Variants in NEB observed in about 807,000 individuals in gnomAD.
NEB encodes nemaline myopathy type 2.
In NEB, 512 loss-of-function variants were observed where a neutral mutation model predicts 952.2. That is an observed-to-expected ratio of 0.54 (90% CI 0.50 to 0.58). The LOEUF is 0.58. Ranked by LOEUF, NEB falls within the 20% of genes least tolerant of loss-of-function variation. The probability of loss-of-function intolerance (pLI) is 0.00; values close to 1 mark genes in which losing one functional copy is unlikely to be tolerated. For synonymous variants in NEB, 2,900 were observed against 3,149.8 expected, an observed-to-expected ratio of 0.92 and a Z score of 2.66; for missense variants, 8,428 against 9,231.1, an observed-to-expected ratio of 0.91 and a Z score of 3.56.
intron 32 of NEB, 61 bp downstream of exon 32, chr2:151,679,660 G>GGGGCCC: frequency 2.9e-6 from 2 of 682,628 alleles, no homozygotes; most frequent in Non-Finnish European, 5.5e-6. Flanking sequence ...GTCATCGTCA[G>GGGGCCC]ACCCCAAGCC....
chr2:151,711,774 A>T lies in NEB; in HGVS notation c.823-1236T>A, dbSNP rs143001081. Reference sequence around the variant, plus strand: ...CTTTGTAAACCCCACAGTGCTAAGCAAATATAGGGTATAAAAATTGTAATA... The same window carrying T: ...CTTTGTAAACCCCACAGTGCTAAGCTAATATAGGGTATAAAAATTGTAATA... On this transcript the variant is annotated intron_variant, in intron 10 of 181. Transcript: ENST00000397345. 2.8e-3 allele frequency among the ~76,000 whole-genome samples: 421 copies of T among 152,344 alleles called. 2 individuals are homozygous for T. The highest frequency in any genetic ancestry group is 9.8e-3 in the African/African-American group (407 of 41,574).
chr2:151,554,160 T>C, intron 125 of NEB, 135 bp from the exon 126 acceptor site: 1 of 767,640 alleles, frequency 1.3e-6, no homozygotes, highest in South Asian at 1.8e-5. Context: ...TCTGACATTT[T>C]CTATAGATTA....
At chr2:151,565,286 C>A in intron 116 of NEB, 138 bp from the exon 117 acceptor site, 2 of 666,642 alleles carry the variant, frequency 3.0e-6, no homozygotes, top group Non-Finnish European at 5.1e-6. Context: ...TTAGCTAAAA[C>A]AATAGAATAA....
intron 46 of NEB, among the ~76,000 whole-genome samples, chr2:151,659,814 T>C (rs2099126630): frequency 6.6e-6 from 1 of 152,196 alleles, no homozygotes; most frequent in Non-Finnish European, 1.5e-5. Context: ...ATAATATAGG[T>C]TAGACATATT....
chr2:151,504,693 CTT>C (rs1246824154), intron 165 of NEB, among the ~76,000 whole-genome samples: 1 of 152,202 alleles, frequency 6.6e-6, no homozygotes, highest in African/African-American at 2.4e-5. Context: ...TTCACATAGT[CTT>C]TTGCTAGTAG....
intron 126 of NEB, 48 bp from the exon 127 acceptor site, chr2:151,553,550 T>A: frequency 7.7e-7 from 1 of 1,295,616 alleles, no homozygotes; most frequent in Non-Finnish European, 1.1e-6. Flanking sequence ...TTGACCATAA[T>A]AACTTTAACA....
At chr2:151,616,633 G>T (rs1018312618) in intron 75 of NEB, among the ~76,000 whole-genome samples, 1 of 152,204 alleles carries the variant, frequency 6.6e-6, no homozygotes, top group Non-Finnish European at 1.5e-5. Flanking sequence ...GGCGGAGGTT[G>T]CAGTGAACCA....
chr2:151,641,051 A>G (rs1296123788), intron 60 of NEB, among the ~76,000 whole-genome samples: 2 of 152,200 alleles, frequency 1.3e-5, no homozygotes, highest in Admixed American at 6.5e-5. Flanking sequence ...CCAAAATTTC[A>G]TTGAGTATCT....
At chr2:151,667,267 T>G (rs991438433) in intron 40 of NEB, among the ~76,000 whole-genome samples, 1 of 152,036 alleles carries the variant, frequency 6.6e-6, no homozygotes, top group Non-Finnish European at 1.5e-5. Flanking sequence ...TTTTAGTATA[T>G]CATGACTTTT....
At chr2:151,688,121 C>G (rs1226032643) in intron 25 of NEB, among the ~76,000 whole-genome samples, 171 bp downstream of exon 25, 1 of 152,194 alleles carries the variant, frequency 6.6e-6, no homozygotes, top group Non-Finnish European at 1.5e-5. Context: ...AAAATGAAAT[C>G]TGATAGATAA....
chr2:151,537,094 T>C, intron 141 of NEB, 38 bp downstream of exon 141: 2 of 1,307,032 alleles, frequency 1.5e-6, no homozygotes, highest in Non-Finnish European at 2.2e-6. Flanking sequence ...CAGGTATATG[T>C]CGAATGGATG....
At chr2:151,615,686 C>A (rs1016992947) in intron 76 of NEB, among the ~76,000 whole-genome samples, 1 of 152,112 alleles carries the variant, frequency 6.6e-6, no homozygotes, top group Non-Finnish European at 1.5e-5. Flanking sequence ...AGGTCAACTG[C>A]TGCTCAATTA....
intron 60 of NEB, among the ~76,000 whole-genome samples, chr2:151,641,943 C>T (rs1259643447): frequency 6.6e-6 from 1 of 152,126 alleles, no homozygotes; most frequent in Non-Finnish European, 1.5e-5. Flanking sequence ...AGGTATATCT[C>T]CTAATGCTAT....
rs547852316 is a variant in NEB, at chr2:151,568,632, C to T, written c.17620G>A (p.Glu5874Lys). The T allele has an allele frequency of 6.8e-6, 11 of 1,607,634 alleles. No homozygotes were observed. The highest frequency in any genetic ancestry group is 1.1e-5 in the South Asian group (1 of 89,710). Residue 5874 changes from glutamate to lysine, a missense_variant, in exon 111 of 182, where the codon GAG becomes AAG. Glu to Lys is a moderately conservative substitution (Grantham distance 56). This residue lies in a region of NEB where 3,374 missense variants were observed against 3,651.5 expected (regional missense o/e 0.92). Transcript: ENST00000397345. Reference sequence around the variant, plus strand: ...CATATACTTACATCATCGAGGATCTCGCCACTTTGTTTCGCTGTCACATAA... The same window carrying T: ...CATATACTTACATCATCGAGGATCTTGCCACTTTGTTTCGCTGTCACATAA... ...VDYVTAKQSGEILDDIKYRKD... is the reference protein window; with the variant it reads ...VDYVTAKQSGKILDDIKYRKD...
In NEB at chr2:151,655,904, G is replaced by C. The variant is rs200018782; in HGVS notation, c.6615C>G (p.Arg2205=). 3.9e-4 allele frequency: 625 copies of C among 1,613,782 alleles called. 1 individual carries two copies. In the African/African-American group the frequency reaches 7.3e-3, roughly 19 times the overall value. Residue 2205 remains arginine (R), a synonymous_variant, in exon 50 of 182, where the codon CGC becomes CGG. Transcript: ENST00000397345. ...TAAACTGGAAGTTGCTCGGGTGCTG[G>C]CGGTATTTCTGATCACTGGCATATT... ...ATEYASDQKY[R]QHPSNFQFKK... is the part of the protein sequence containing the mutation.
intron 181 of NEB, among the ~76,000 whole-genome samples, chr2:151,489,692 CAGCA>C: frequency 6.6e-6 from 1 of 152,200 alleles, no homozygotes; most frequent in Admixed American, 6.5e-5. Context: ...TCACTATGCC[CAGCA>C]AATGTTTAAG....
chr2:151,725,609 CA>C, intron 5 of NEB, 49 bp from the exon 6 acceptor site: 1 of 1,423,884 alleles, frequency 7.0e-7, no homozygotes, highest in Non-Finnish European at 9.9e-7. Context: ...GTGAAAATTT[CA>C]GGCAACATAC....
intron 140 of NEB, among the ~76,000 whole-genome samples, chr2:151,537,511 A>G (rs1472067403): frequency 6.6e-6 from 1 of 152,242 alleles, no homozygotes; most frequent in Non-Finnish European, 1.5e-5. Context: ...CTTGGCAGCT[A>G]TATTTTCATA....
chr2:151,564,982 T>C (rs1221080417), intron 117 of NEB, 62 bp downstream of exon 117: 1 of 1,006,622 alleles, frequency 9.9e-7, no homozygotes, highest in Non-Finnish European at 1.5e-6. Flanking sequence ...CAGCCAAGAA[T>C]ATGAATGCAA....
Sources: gnomAD v4.1 joint callset for allele counts (sites outside exome capture counted in the v4.1 genomes callset) on GRCh38, gnomAD v4.1.1 for gene constraint, gnomAD v4.1.1 regional missense constraint, MANE v1.5 for transcripts, NCBI Gene and HGNC (gene_info 2026-07-23, HGNC 2026-07-21) for gene names.